Variants in PFKFB3 observed in about 807,000 individuals in gnomAD.
PFKFB3 encodes the protein 6-phosphofructo-2-kinase/fructose-2,6-biphosphatase 3, also known as 6-phosphofructo-2-kinase/fructose-2,6-bisphosphatase 3.
A neutral mutation model predicts 68.0 loss-of-function variants in PFKFB3; 33 were observed. The ratio of observed to expected loss-of-function variants is 0.49; its 90% CI spans 0.37 to 0.65. The LOEUF (loss-of-function observed/expected upper bound fraction) is 0.65. Among genes scored for constraint, PFKFB3 ranks in the 30% least tolerant of loss-of-function variants. The pLI, the probability that PFKFB3 is intolerant of heterozygous loss-of-function variation, is 0.00. For missense variants in PFKFB3, 586 were observed against 712.2 expected, an observed-to-expected ratio of 0.82 and a Z score of 2.02; for synonymous variants, 315 against 288.2, an observed-to-expected ratio of 1.09 and a Z score of -0.94.
chr10:6,177,375 T>C lies in PFKFB3; in HGVS notation c.16+32362T>C, dbSNP rs185015054. 1.4e-4 allele frequency among the ~76,000 whole-genome samples: 15 copies of C among 107,434 alleles called. No individual in the cohort carries two copies. The East Asian group carries it at 2.7e-3, about 20-fold the overall frequency. The allele number at this position is 107,434 out of a possible 152,430, so 70.5% of individuals were successfully genotyped here. A position where few individuals can be genotyped will look rare whatever the true frequency, so the allele number is the denominator to read the frequency against. On this transcript the variant is annotated intron_variant, in intron 1 of 14. Coordinates refer to the PFKFB3 transcript ENST00000379789. ...TTTTCTCTTTCTTTCTTTCTTTCTT[T>C]CTTTCTTTCTTTCTTTCTTTCTTTC...
chr10:6,167,168 T>C (rs1842169052), intron 1 of PFKFB3, among the ~76,000 whole-genome samples: 1 of 152,220 alleles, frequency 6.6e-6, no homozygotes, highest in South Asian at 2.1e-4. Context: ...CTCCACCCCA[T>C]GTGCCTAGAC....
chr10:6,213,500 G>C (rs1844364738), intron 1 of PFKFB3, 123 bp from the exon 2 acceptor site: 2 of 1,156,612 alleles, frequency 1.7e-6, no homozygotes, highest in Non-Finnish European at 2.5e-6. Flanking sequence ...CTGGGCAACA[G>C]AGTGAGACCC....
intron 1 of PFKFB3, 122 bp downstream of exon 1, chr10:6,203,458 G>T (rs1479381349): frequency 6.5e-6 from 3 of 460,090 alleles, no homozygotes; most frequent in Admixed American, 1.1e-4. Context: ...CGCGCCGGCG[G>T]GGCGGGGCGG....
At chr10:6,259,196 C>CATCCATTT (rs1846517021), downstream of PFKFB3, among the ~76,000 whole-genome samples, 2 of 135,146 alleles carry the variant, frequency 1.5e-5, no homozygotes, top group South Asian at 2.5e-4. Flanking sequence ...TCCATCCATC[C>CATCCATTT]ATCCATCCAT....
chr10:6,228,568 G>A lies in PFKFB3; in HGVS notation c.1515+2203G>A, dbSNP rs1030158829. Reference sequence around the variant, plus strand: ...TCCTTATCAGAATCAGATCTTGGTGGCGAGCTGCATCTGTGCCAGGTGCCA... The same window carrying A: ...TCCTTATCAGAATCAGATCTTGGTGACGAGCTGCATCTGTGCCAGGTGCCA... On this transcript the variant is annotated intron_variant, in intron 14 of 14. Transcript: ENST00000379775. The surrounding 1 kb of genome is among the most constrained non-coding windows in gnomAD (Gnocchi z 4.5). Among the ~76,000 whole-genome samples, 6 of 152,114 alleles carry A rather than the reference G, an allele frequency of 3.9e-5. No homozygotes were observed. The highest frequency in any genetic ancestry group is 5.9e-5 in the Non-Finnish European group (4 of 68,034).
rs1225023551 is a variant in PFKFB3 at position 6,224,616 on chromosome 10, G to A, written c.1341+403G>A. On this transcript the variant is annotated intron_variant, in intron 13 of 14. Coordinates refer to ENST00000379775, the MANE Select transcript of PFKFB3 (RefSeq NM_004566.4). ...CCGCCTCAGCCTCCCGCGTAGCTGA[G>A]ACTACAGGTGCGCACCACCATGCCC... 1.1e-5 allele frequency: 4 copies of A among 377,184 alleles called. No individual in the cohort carries two copies. In the East Asian group the frequency reaches 3.0e-4, roughly 28 times the overall value. The allele number at this position is 377,184 out of a possible 1,614,324, so 23.4% of individuals were successfully genotyped here.
the PFKFB3 span, among the ~76,000 whole-genome samples, chr10:6,286,937 T>TATAC: frequency 2.6e-5 from 4 of 152,234 alleles, no homozygotes; most frequent in Admixed American, 1.3e-4. Flanking sequence ...GAATTTGCAA[T>TATAC]ATACATTTAC....
At chr10:6,296,559 T>C in the PFKFB3 span, among the ~76,000 whole-genome samples, 1 of 152,238 alleles carries the variant, frequency 6.6e-6, no homozygotes, top group East Asian at 1.9e-4. Flanking sequence ...TTCTGGATTA[T>C]ATGCTAAACA....
At chr10:6,185,626 T>G (rs1458905776) in intron 1 of PFKFB3, among the ~76,000 whole-genome samples, 1 of 141,908 alleles carries the variant, frequency 7.0e-6, no homozygotes, top group Non-Finnish European at 1.5e-5. Context: ...AGATCAGTAC[T>G]TCCTCCCCGC....
chr10:6,310,681 T>A, the PFKFB3 span, among the ~76,000 whole-genome samples: 1 of 152,204 alleles, frequency 6.6e-6, no homozygotes, highest in South Asian at 2.1e-4. Flanking sequence ...TGGGACAAAA[T>A]ATCGTGAACA....
intron 1 of PFKFB3, among the ~76,000 whole-genome samples, chr10:6,180,545 G>A (rs1056756226): frequency 2.0e-5 from 3 of 152,114 alleles, no homozygotes; most frequent in Non-Finnish European, 4.4e-5. Flanking sequence ...GCTCACTGCA[G>A]CCTCAAACTC....
chr10:6,293,958 A>C, the PFKFB3 span: 1 of 503,786 alleles, frequency 2.0e-6, no homozygotes, highest in Non-Finnish European at 4.0e-6. Flanking sequence ...GGCTTCACGA[A>C]TTTTCCATCT....
chr10:6,256,889 G>A (rs1246428087), downstream of PFKFB3, among the ~76,000 whole-genome samples: 3 of 152,132 alleles, frequency 2.0e-5, no homozygotes, highest in Admixed American at 6.5e-5. Context: ...GAGAGTGAGA[G>A]TTTAGCTTAT....
At chr10:6,239,160 A>G (rs1846087615), downstream of PFKFB3, among the ~76,000 whole-genome samples, 1 of 152,172 alleles carries the variant, frequency 6.6e-6, no homozygotes, top group Non-Finnish European at 1.5e-5. Flanking sequence ...AAGATGAAAT[A>G]TGAATGAAAC....
At chr10:6,316,480 TCTTTC>T in the PFKFB3 span, among the ~76,000 whole-genome samples, 8 of 152,284 alleles carry the variant, frequency 5.3e-5, no homozygotes, top group Middle Eastern at 3.4e-3. Flanking sequence ...CTTTTTCTTT[TCTTTC>T]CTTTTCTTTT....
At chr10:6,250,528 G>C (rs922010265) in intron 14 of PFKFB3, among the ~76,000 whole-genome samples, 1 of 150,360 alleles carries the variant, frequency 6.7e-6, no homozygotes, top group African/African-American at 2.5e-5. Flanking sequence ...CCAAGATCAC[G>C]CCACTGCACT....
chr10:6,207,706 T>G (rs574767503), intron 1 of PFKFB3, among the ~76,000 whole-genome samples: 1 of 152,356 alleles, frequency 6.6e-6, no homozygotes, highest in East Asian at 1.9e-4. Context: ...TATTCTTGCC[T>G]TGGAGGCACC....
chr10:6,202,867 A>T, upstream of PFKFB3: 1 of 1,042,774 alleles, frequency 9.6e-7, no homozygotes, highest in Admixed American at 5.9e-5. Context: ...GCCCGCCCCG[A>T]GGCTGACGTA....
At chr10:6,149,905 C>G (rs1445174338) in intron 1 of PFKFB3, 1 of 152,272 alleles carries the variant, frequency 6.6e-6, no homozygotes, top group African/African-American at 2.4e-5. Context: ...AGTTCCATCC[C>G]AAGGATTTCA....
Sources: allele counts gnomAD v4.1 joint callset (sites outside exome capture counted in the v4.1 genomes callset), GRCh38; gene constraint gnomAD v4.1.1; non-coding constraint Gnocchi (gnomAD v3.1); transcripts MANE v1.5; gene names NCBI Gene and HGNC (gene_info 2026-07-23, HGNC 2026-07-21).